The following TNIK variants were observed in gnomAD, a reference collection of about 807,000 sequenced individuals.
The protein encoded by TNIK is TRAF2 and NCK-interacting protein kinase.
Under a neutral mutation model 191.3 loss-of-function variants are expected in TNIK, and 49 were observed. The ratio of observed to expected loss-of-function variants is 0.26; its 90% CI spans 0.20 to 0.32. The LOEUF (loss-of-function observed/expected upper bound fraction) is 0.32. Ranked by LOEUF, TNIK falls within the 10% of genes least tolerant of loss-of-function variation. The probability of loss-of-function intolerance (pLI) is 1.00; values close to 1 mark genes in which losing one functional copy is unlikely to be tolerated. For missense variants in TNIK, 1,155 were observed against 1,702.3 expected (o/e 0.68, Z 5.66); for synonymous variants, 594 against 600.9 (o/e 0.99, Z 0.17).
intron 2 of TNIK, among the ~76,000 whole-genome samples, chr3:171,362,587 G>A (rs552505492): frequency 2.6e-4 from 40 of 152,290 alleles, no homozygotes; most frequent in African/African-American, 8.9e-4. Context: ...GGGAAGAACT[G>A]GCACATGTGT....
Position 171,167,153 on chromosome 3 carries a change from C to T in TNIK, c.891G>A (p.Gln297=). ...TATGGTCCTTGAGTTGAATGCGGAC[C>T]TGTCGCTCATTAGGTTGGTCTCGTA... ...PFIRDQPNER[Q]VRIQLKDHID... is the part of the protein sequence containing the mutation. The change falls in exon 10 of 33, where the codon CAG becomes CAA. Residue 297 remains glutamine (Q), a synonymous_variant. Transcript: ENST00000436636. 6.2e-7 allele frequency: 1 copy of T among 1,613,930 alleles called. No individual in the cohort carries two copies. The highest frequency in any genetic ancestry group is 8.5e-7 in the Non-Finnish European group (1 of 1,179,866).
rs551274657 is a variant in TNIK, at chr3:171,184,435, A to T, written c.639+4267T>A. ...TCACTCTCTTCCCCTGGGTATCAGC[A>T]TGTTGCGTGGAGGAGGTACTGGCTG... On this transcript the variant is annotated intron_variant, in intron 7 of 32. Coordinates refer to ENST00000436636, the MANE Select transcript of TNIK (RefSeq NM_015028.4). Among the ~76,000 whole-genome samples, 195 of 152,350 alleles carry T rather than the reference A, an allele frequency of 1.3e-3. 2 individuals are homozygous for T. The highest frequency in any genetic ancestry group is 4.5e-3 in the African/African-American group (188 of 41,580).
At chr3:171,411,007 G>A (rs527887397) in intron 1 of TNIK, among the ~76,000 whole-genome samples, 1 of 151,778 alleles carries the variant, frequency 6.6e-6, no homozygotes, top group African/African-American at 2.4e-5. Context: ...GGCAGAATGA[G>A]CCCCAGTGGA....
chr3:171,445,327 G>A (rs897901975), intron 1 of TNIK, among the ~76,000 whole-genome samples: 3 of 151,620 alleles, frequency 2.0e-5, no homozygotes, highest in African/African-American at 7.3e-5. Context: ...GCTGAGATGA[G>A]AGAATCACCT....
chr3:171,411,493 G>A (rs184972664), intron 1 of TNIK, among the ~76,000 whole-genome samples: 3 of 151,252 alleles, frequency 2.0e-5, no homozygotes, highest in Admixed American at 2.0e-4. Flanking sequence ...ATGTCATCTG[G>A]GTAAAAAAAA....
intron 9 of TNIK, among the ~76,000 whole-genome samples, chr3:171,169,923 G>A (rs1311541767): frequency 6.6e-6 from 1 of 152,174 alleles, no homozygotes; most frequent in Non-Finnish European, 1.5e-5. Flanking sequence ...ACCCTTTGAA[G>A]AGAAAATAAT....
intron 4 of TNIK, among the ~76,000 whole-genome samples, chr3:171,195,713 T>C (rs1337459877): frequency 1.3e-5 from 2 of 152,270 alleles, no homozygotes; most frequent in Non-Finnish European, 1.5e-5. Context: ...CCAAAGCCTG[T>C]TCTGACTTGT....
chr3:171,203,115 G>A (rs1363146079), intron 4 of TNIK, among the ~76,000 whole-genome samples: 2 of 151,884 alleles, frequency 1.3e-5, no homozygotes, highest in Non-Finnish European at 2.9e-5. Flanking sequence ...GTCACACAAG[G>A]GTGGTTAAAT....
intron 10 of TNIK, among the ~76,000 whole-genome samples, chr3:171,165,415 CAAAAAAAAAAAA>C (rs35708323): frequency 1.4e-5 from 1 of 72,796 alleles, no homozygotes; most frequent in African/African-American, 4.2e-5. Context: ...GAACTCATCT[CAAAAAAAAAAAA>C]AAAAAAAAAG....
chr3:171,413,412 T>C (rs1722649804), intron 1 of TNIK, among the ~76,000 whole-genome samples: 2 of 152,112 alleles, frequency 1.3e-5, no homozygotes, highest in South Asian at 4.2e-4. Flanking sequence ...CAGGAACTCT[T>C]CTATAAAGGA....
intron 1 of TNIK, among the ~76,000 whole-genome samples, chr3:171,433,699 C>T (rs1030650717): frequency 2.0e-5 from 3 of 151,880 alleles, no homozygotes; most frequent in African/African-American, 7.3e-5. Context: ...TTTTTCAGAT[C>T]CTAAAACAAA....
chr3:171,350,977 A>ACTTCC (rs1380772455), intron 2 of TNIK, among the ~76,000 whole-genome samples: 1 of 152,030 alleles, frequency 6.6e-6, no homozygotes, highest in Non-Finnish European at 1.5e-5. Context: ...CTTAACCTCC[A>ACTTCC]CTTCCTGGGT....
intron 1 of TNIK, among the ~76,000 whole-genome samples, chr3:171,447,914 A>T (rs973686412): frequency 2.6e-5 from 4 of 152,234 alleles, no homozygotes; most frequent in African/African-American, 9.6e-5. Flanking sequence ...GTCTAAAAAC[A>T]TGATTAGAAA....
intron 10 of TNIK, among the ~76,000 whole-genome samples, chr3:171,162,745 A>C (rs1430066883): frequency 1.3e-5 from 2 of 152,260 alleles, no homozygotes; most frequent in Non-Finnish European, 2.9e-5. Flanking sequence ...AAGCAAGAAT[A>C]CTGAAATTAC....
intron 1 of TNIK, among the ~76,000 whole-genome samples, chr3:171,395,862 T>C (rs1720164809): frequency 6.6e-6 from 1 of 152,162 alleles, no homozygotes; most frequent in African/African-American, 2.4e-5. Flanking sequence ...TGTACCCTCC[T>C]CTCATAGCCC....
At chr3:171,305,192 G>T (rs1753323702) in intron 2 of TNIK, among the ~76,000 whole-genome samples, 1 of 152,032 alleles carries the variant, frequency 6.6e-6, no homozygotes, top group African/African-American at 2.4e-5. Flanking sequence ...CTTTAATGCG[G>T]CCAGTACATA....
chr3:171,428,079 A>G (rs1724879877), intron 1 of TNIK, among the ~76,000 whole-genome samples: 1 of 152,098 alleles, frequency 6.6e-6, no homozygotes, highest in Non-Finnish European at 1.5e-5. Context: ...TGAATAATAA[A>G]AGAGAGGGGG....
chr3:171,382,235 T>TTTC (rs1393133214), intron 1 of TNIK, among the ~76,000 whole-genome samples: 6 of 148,596 alleles, frequency 4.0e-5, no homozygotes, highest in Non-Finnish European at 7.4e-5. Flanking sequence ...TTTTTTTTTT[T>TTTC]TTTTTGAGAC....
intron 2 of TNIK, among the ~76,000 whole-genome samples, chr3:171,282,451 C>T (rs576357873): frequency 6.0e-5 from 9 of 151,004 alleles, no homozygotes; most frequent in Admixed American, 6.0e-4. Context: ...AAGCACTTCT[C>T]CTGCCTCAGC....
Sources: gnomAD v4.1 joint callset for allele counts (sites outside exome capture counted in the v4.1 genomes callset) on GRCh38, gnomAD v4.1.1 for gene constraint, MANE v1.5 for transcripts, NCBI Gene and HGNC (gene_info 2026-07-23, HGNC 2026-07-21) for gene names.